SIK2: variants seen among roughly 807,000 people sequenced by gnomAD.
SIK2 encodes the protein salt inducible kinase 2.
In SIK2, 29 loss-of-function variants were observed where a neutral mutation model predicts 103.2. The observed-to-expected ratio is 0.28, with a 90% CI of 0.21 to 0.38. The LOEUF is 0.38. SIK2 is among the 10% of genes least tolerant of loss of function. The pLI is 1.00. For synonymous variants in SIK2, 412 were observed against 446.1 expected (o/e 0.92, Z 0.96); for missense variants, 879 against 1,171.0 (o/e 0.75, Z 3.64).
intron 4 of SIK2, among the ~76,000 whole-genome samples, chr11:111,690,584 ATT>A (rs1226312699): frequency 6.6e-6 from 1 of 151,764 alleles, no homozygotes. Context: ...TGGATTAGGT[ATT>A]TGTCCTAAGG....
At chr11:111,618,189 T>C (rs2135838051) in intron 2 of SIK2, among the ~76,000 whole-genome samples, 1 of 152,250 alleles carries the variant, frequency 6.6e-6, no homozygotes, top group Non-Finnish European at 1.5e-5. Flanking sequence ...ATAGGGTTCC[T>C]ACTCCTATGA....
chr11:111,655,024 G>C (rs1384948899), intron 3 of SIK2, among the ~76,000 whole-genome samples: 1 of 152,188 alleles, frequency 6.6e-6, no homozygotes, highest in Non-Finnish European at 1.5e-5. Flanking sequence ...AATATTTAAA[G>C]CATTGTTCTA....
At chr11:111,664,698 C>T (rs375106998) in intron 3 of SIK2, among the ~76,000 whole-genome samples, 16 of 138,210 alleles carry the variant, frequency 1.2e-4, no homozygotes, top group Admixed American at 1.0e-3. Flanking sequence ...ACCACCCCCC[C>T]CACACACACA....
At chr11:111,703,897 A>G (rs568314377) in intron 7 of SIK2, among the ~76,000 whole-genome samples, 2 of 152,324 alleles carry the variant, frequency 1.3e-5, no homozygotes, top group South Asian at 4.1e-4. Flanking sequence ...TGGAAGTATT[A>G]GGGGTCATAG....
intron 3 of SIK2, among the ~76,000 whole-genome samples, chr11:111,649,668 G>C (rs773440067): frequency 6.6e-6 from 1 of 152,058 alleles, no homozygotes; most frequent in Admixed American, 6.6e-5. Context: ...GATAATGTAT[G>C]TGAGAGTATT....
At chr11:111,609,026 A>T (rs949824904) in intron 1 of SIK2, among the ~76,000 whole-genome samples, 1 of 152,092 alleles carries the variant, frequency 6.6e-6, no homozygotes, top group African/African-American at 2.4e-5. Flanking sequence ...TTTTTAATTA[A>T]CAAATACATG....
chr11:111,666,904 T>C (rs1166492304), intron 3 of SIK2, among the ~76,000 whole-genome samples: 2 of 152,044 alleles, frequency 1.3e-5, no homozygotes, highest in African/African-American at 4.8e-5. Flanking sequence ...ACACTCTGTA[T>C]TACAGTTCCA....
At chr11:111,703,033 A>T (rs546859635) in intron 6 of SIK2, among the ~76,000 whole-genome samples, 170 bp from the exon 7 acceptor site, 1 of 152,314 alleles carries the variant, frequency 6.6e-6, no homozygotes, top group African/African-American at 2.4e-5. Flanking sequence ...TCACCATGTG[A>T]ACTTGAGAAA....
chr11:111,680,857 G>C (rs1942767956), intron 3 of SIK2, among the ~76,000 whole-genome samples: 1 of 152,222 alleles, frequency 6.6e-6, no homozygotes, highest in Admixed American at 6.5e-5. Flanking sequence ...CAGACTGAAA[G>C]CATTGATTAA....
chr11:111,680,054 G>A (rs1458541785), intron 3 of SIK2, among the ~76,000 whole-genome samples: 7 of 150,948 alleles, frequency 4.6e-5, no homozygotes, highest in East Asian at 1.9e-4. Context: ...CCCGGGAGGC[G>A]GAGGTTGCAG....
chr11:111,695,100 C>G (rs1348211710), intron 4 of SIK2, among the ~76,000 whole-genome samples: 9 of 152,228 alleles, frequency 5.9e-5, no homozygotes, highest in Admixed American at 5.9e-4. Context: ...AGCTTCATCT[C>G]TATCACTCTC....
intron 3 of SIK2, among the ~76,000 whole-genome samples, chr11:111,628,939 G>C (rs1942001848): frequency 1.3e-5 from 2 of 152,214 alleles, no homozygotes; most frequent in South Asian, 4.2e-4. Context: ...GTAGGAGAAG[G>C]GGTTAGGATC....
rs770037862 is a variant in SIK2 at position 111,726,995 on chromosome 11, C to T, written c.*2866C>T. 10 of 1,614,014 alleles carry T rather than the reference C, an allele frequency of 6.2e-6. No individual in the cohort carries two copies. The Admixed American group carries it at 1.0e-4, about 16-fold the overall frequency. ...CTGTGCTTTGGGAGAAATGCACTAG[C>T]TCTGCAATTCCCAGCTGGGCAAGTG... On this transcript the variant is annotated 3_prime_UTR_variant, in exon 15 of 15. Coordinates refer to ENST00000304987, the MANE Select transcript of SIK2 (RefSeq NM_015191.3).
At chr11:111,703,818 A>C (rs1325241432) in intron 7 of SIK2, among the ~76,000 whole-genome samples, 1 of 152,172 alleles carries the variant, frequency 6.6e-6, no homozygotes, top group Non-Finnish European at 1.5e-5. Context: ...TATCAGGTTT[A>C]AGAAAGCCAG....
chr11:111,637,360 A>G (rs1942122080), intron 3 of SIK2, among the ~76,000 whole-genome samples: 1 of 151,444 alleles, frequency 6.6e-6, no homozygotes, highest in Non-Finnish European at 1.5e-5. Context: ...AAGGCTTTAA[A>G]TTCTTGGATA....
chr11:111,714,744 C>T (rs1365537723), intron 9 of SIK2, among the ~76,000 whole-genome samples: 4 of 152,292 alleles, frequency 2.6e-5, no homozygotes, highest in Non-Finnish European at 5.9e-5. Flanking sequence ...CCACAACAGG[C>T]AGCTCAGTGC....
chr11:111,677,932 A>T (rs928880294), intron 3 of SIK2, among the ~76,000 whole-genome samples: 1 of 152,212 alleles, frequency 6.6e-6, no homozygotes, highest in Admixed American at 6.5e-5. Context: ...CTTTTTACAA[A>T]TGTAAATTAG....
At chr11:111,619,518 A>T (rs1941853968) in intron 2 of SIK2, among the ~76,000 whole-genome samples, 1 of 151,874 alleles carries the variant, frequency 6.6e-6, no homozygotes, top group South Asian at 2.1e-4. Context: ...TAATTTTTGT[A>T]TTTTTTGGTA....
chr11:111,649,182 GTC>G (rs1428429877), intron 3 of SIK2, among the ~76,000 whole-genome samples: 2 of 152,008 alleles, frequency 1.3e-5, no homozygotes, highest in Admixed American at 1.3e-4. Context: ...CTGTGCATTT[GTC>G]TCTCCATCTG....
Sources: allele counts gnomAD v4.1 joint callset (sites outside exome capture counted in the v4.1 genomes callset), GRCh38; gene constraint gnomAD v4.1.1; transcripts MANE v1.5; gene names NCBI Gene and HGNC (gene_info 2026-07-23, HGNC 2026-07-21).